KCNH5: variants seen among roughly 807,000 people sequenced by gnomAD.
KCNH5 encodes the protein voltage-gated delayed rectifier potassium channel KCNH5.
In KCNH5, 46 loss-of-function variants were observed where a neutral mutation model predicts 96.1. That is an observed-to-expected ratio of 0.48 (90% confidence interval 0.38 to 0.61). KCNH5 has a LOEUF of 0.61. Ranked by LOEUF, KCNH5 falls within the 20% of genes least tolerant of loss-of-function variation. KCNH5 has a pLI of 0.00. For synonymous variants in KCNH5, 439 were observed against 449.8 expected (o/e 0.98, Z 0.30); for missense variants, 907 against 1,225.8 (o/e 0.74, Z 3.88).
At chr14:62,962,376 T>C (rs1255498) in intron 6 of KCNH5, among the ~76,000 whole-genome samples, 59,663 of 151,972 alleles carry the variant, frequency 0.39, 12,118 homozygotes, top group African/African-American at 0.44. Flanking sequence ...TCTGATGCAA[T>C]AGCGTTCATC....
chr14:63,037,077 A>T (rs1016819875), intron 1 of KCNH5, among the ~76,000 whole-genome samples: 1 of 152,204 alleles, frequency 6.6e-6, no homozygotes, highest in Non-Finnish European at 1.5e-5. Context: ...CAACTAAATG[A>T]TAATAATAAC....
At chr14:62,739,428 G>A (rs966843694) in intron 10 of KCNH5, among the ~76,000 whole-genome samples, 2 of 151,592 alleles carry the variant, frequency 1.3e-5, no homozygotes, top group Admixed American at 6.6e-5. Flanking sequence ...AAATGACTAC[G>A]CTATTTATGC....
At chr14:63,021,126 A>G (rs1891418468) in intron 1 of KCNH5, among the ~76,000 whole-genome samples, 1 of 152,104 alleles carries the variant, frequency 6.6e-6, no homozygotes, top group South Asian at 2.1e-4. Context: ...TCATGACTAG[A>G]TAACTGTGGC....
At chr14:63,029,076 A>T (rs1339317240) in intron 1 of KCNH5, among the ~76,000 whole-genome samples, 3 of 152,152 alleles carry the variant, frequency 2.0e-5, no homozygotes, top group African/African-American at 7.2e-5. Context: ...TAATAATTGC[A>T]TTTTAACTAT....
At chr14:62,914,966 A>G (rs2140103692) in intron 7 of KCNH5, among the ~76,000 whole-genome samples, 1 of 152,314 alleles carries the variant, frequency 6.6e-6, no homozygotes, top group Non-Finnish European at 1.5e-5. Flanking sequence ...TGAAGAATGG[A>G]GGCTTTGTTT....
At chr14:63,038,274 A>G (rs1365344715) in intron 1 of KCNH5, among the ~76,000 whole-genome samples, 1 of 152,230 alleles carries the variant, frequency 6.6e-6, no homozygotes, top group Non-Finnish European at 1.5e-5. Flanking sequence ...ACTTACTGCT[A>G]TGTGCTCTGC....
intron 2 of KCNH5, among the ~76,000 whole-genome samples, chr14:63,014,528 A>G (rs1398373846): frequency 6.6e-6 from 1 of 152,134 alleles, no homozygotes; most frequent in Non-Finnish European, 1.5e-5. Context: ...GAAAAATTGT[A>G]CTTGCCAAAG....
At chr14:63,012,170 T>A (rs1238648020) in intron 2 of KCNH5, among the ~76,000 whole-genome samples, 1 of 152,218 alleles carries the variant, frequency 6.6e-6, no homozygotes, top group Non-Finnish European at 1.5e-5. Context: ...GATAAGATCA[T>A]ATGCTTTTAA....
chr14:62,982,011 A>G (rs994768962), intron 5 of KCNH5, among the ~76,000 whole-genome samples: 13 of 152,202 alleles, frequency 8.5e-5, no homozygotes, highest in African/African-American at 3.1e-4. Flanking sequence ...GCAAGAGTAG[A>G]GGTTTGTGTA....
intron 7 of KCNH5, among the ~76,000 whole-genome samples, chr14:62,927,382 C>G (rs927512302): frequency 7.9e-5 from 12 of 152,096 alleles, no homozygotes; most frequent in African/African-American, 2.7e-4. Flanking sequence ...AATTTCACTT[C>G]TGGATAGATA....
At chr14:62,743,164 A>G (rs1342502880) in intron 10 of KCNH5, among the ~76,000 whole-genome samples, 1 of 152,210 alleles carries the variant, frequency 6.6e-6, no homozygotes, top group African/African-American at 2.4e-5. Flanking sequence ...ATACATGTAT[A>G]AAGCGATGGT....
chr14:62,797,666 T>A (rs903307132), intron 9 of KCNH5, among the ~76,000 whole-genome samples: 1 of 152,138 alleles, frequency 6.6e-6, no homozygotes, highest in African/African-American at 2.4e-5. Context: ...AGGAGATTTT[T>A]AATTTTGAGC....
intron 8 of KCNH5, among the ~76,000 whole-genome samples, chr14:62,849,118 G>A (rs1887754353): frequency 6.6e-6 from 1 of 152,168 alleles, no homozygotes; most frequent in Non-Finnish European, 1.5e-5. Context: ...ATTGGAGAGG[G>A]AGATATCTAT....
intron 8 of KCNH5, among the ~76,000 whole-genome samples, chr14:62,807,101 C>CT (rs1040685836): frequency 2.0e-5 from 3 of 152,162 alleles, no homozygotes; most frequent in Non-Finnish European, 4.4e-5. Flanking sequence ...ACAGGCAATG[C>CT]TTTTCTCTCT....
intron 7 of KCNH5, among the ~76,000 whole-genome samples, chr14:62,907,530 A>G (rs1445132648): frequency 6.6e-6 from 1 of 152,214 alleles, no homozygotes; most frequent in Non-Finnish European, 1.5e-5. Context: ...AGGTTAGTAT[A>G]TAATAAGAGT....
At chr14:62,754,121 T>C (rs1257860369) in intron 10 of KCNH5, among the ~76,000 whole-genome samples, 1 of 151,658 alleles carries the variant, frequency 6.6e-6, no homozygotes, top group Non-Finnish European at 1.5e-5. Flanking sequence ...AAATATAGAG[T>C]TTTTATTAGT....
intron 7 of KCNH5, among the ~76,000 whole-genome samples, chr14:62,861,637 TACAC>T (rs142699720): frequency 0.04 from 5,673 of 141,826 alleles, 125 homozygotes; most frequent in Middle Eastern, 0.068. Flanking sequence ...CATCTCCATT[TACAC>T]ACACACACAC....
At chr14:62,984,231 A>C (rs1890663840) in intron 5 of KCNH5, among the ~76,000 whole-genome samples, 1 of 152,168 alleles carries the variant, frequency 6.6e-6, no homozygotes, top group Non-Finnish European at 1.5e-5. Context: ...AAGATCTGAG[A>C]GCATTGACTC....
chr14:62,833,312 A>T (rs942703436), intron 8 of KCNH5, among the ~76,000 whole-genome samples: 3 of 151,808 alleles, frequency 2.0e-5, no homozygotes, highest in Non-Finnish European at 2.9e-5. Flanking sequence ...TTTTGTGTTG[A>T]TTTTTATGTA....
Sources: allele counts gnomAD v4.1 joint callset (sites outside exome capture counted in the v4.1 genomes callset), GRCh38; gene constraint gnomAD v4.1.1; transcripts MANE v1.5; gene names NCBI Gene and HGNC (gene_info 2026-07-23, HGNC 2026-07-21).